Variants in ANKRD6 observed in about 807,000 individuals in gnomAD.
ANKRD6 encodes the protein ankyrin repeat domain 6.
A neutral mutation model predicts 82.3 loss-of-function variants in ANKRD6; 56 were observed. That is an observed-to-expected ratio of 0.68 (90% confidence interval 0.55 to 0.85). ANKRD6 has a LOEUF of 0.85. Among genes scored for constraint, ANKRD6 ranks in the 40% least tolerant of loss-of-function variants. The pLI is 0.00. For synonymous variants in ANKRD6, 347 were observed against 352.1 expected, an observed-to-expected ratio of 0.99 and a Z score of 0.16; for missense variants, 852 against 907.6, an observed-to-expected ratio of 0.94 and a Z score of 0.79.
At chr6:89,516,509 C>T (rs1781239048) in intron 1 of ANKRD6, among the ~76,000 whole-genome samples, 1 of 152,162 alleles carries the variant, frequency 6.6e-6, no homozygotes, top group African/African-American at 2.4e-5. Flanking sequence ...GACACAGCCT[C>T]TGTTGCCCAG....
chr6:89,612,399 T>C (rs1278212223), intron 6 of ANKRD6, 29 bp downstream of exon 6: 4 of 1,524,278 alleles, frequency 2.6e-6, no homozygotes, highest in Non-Finnish European at 3.6e-6. Context: ...ATTCTCACGT[T>C]CTCTCTTTCT....
intron 1 of ANKRD6, among the ~76,000 whole-genome samples, chr6:89,514,320 G>A (rs556629883): frequency 6.0e-4 from 92 of 152,268 alleles, no homozygotes; most frequent in African/African-American, 2.2e-3. Flanking sequence ...GGAGGTTGCA[G>A]TGAGCTGAGA....
chr6:89,602,954 A>C (rs549409014), intron 3 of ANKRD6, 75 bp from the exon 4 acceptor site: 1 of 1,252,114 alleles, frequency 8.0e-7, no homozygotes, highest in South Asian at 1.3e-5. Context: ...CCTTGTGTCC[A>C]AGTGTCAAGT....
rs1456890511 is a variant in ANKRD6, at chr6:89,632,139, A to G, written c.*1135A>G. ...TTTATATTCATCTCCTCAATATCCC[A>G]TGTATGCACAGAAACTTCAGTTCTA... On this transcript the variant is annotated 3_prime_UTR_variant, in exon 16 of 16. Transcript: ENST00000339746. 1 of 152,238 alleles carries G rather than the reference A, an allele frequency of 6.6e-6. No homozygotes were observed. The allele number at this position is 152,238 out of a possible 1,614,324, so 9.4% of individuals were successfully genotyped here.
intron 2 of ANKRD6, among the ~76,000 whole-genome samples, chr6:89,594,699 T>C (rs923526834): frequency 1.3e-5 from 2 of 152,164 alleles, no homozygotes; most frequent in South Asian, 2.1e-4. Context: ...ATATTACTTA[T>C]GTTTTTTAGT....
At chr6:89,507,952 C>T (rs1780070877) in intron 1 of ANKRD6, among the ~76,000 whole-genome samples, 1 of 152,132 alleles carries the variant, frequency 6.6e-6, no homozygotes, top group Non-Finnish European at 1.5e-5. Flanking sequence ...ATGCAGCCTA[C>T]ACTTTTCCCC....
intron 2 of ANKRD6, among the ~76,000 whole-genome samples, chr6:89,589,518 T>G (rs1794460838): frequency 6.6e-6 from 1 of 152,238 alleles, no homozygotes; most frequent in Non-Finnish European, 1.5e-5. Flanking sequence ...GGCTCCCTTG[T>G]CATCCTCACT....
intron 2 of ANKRD6, among the ~76,000 whole-genome samples, chr6:89,592,039 C>T (rs550987245): frequency 2.1e-4 from 32 of 152,282 alleles, no homozygotes; most frequent in Non-Finnish European, 3.8e-4. Context: ...GAATGGTGTT[C>T]TTGGTGAAGA....
rs1583239152 is a variant in ANKRD6, at chr6:89,552,593, A to T, written c.-143-14241A>T. Among the ~76,000 whole-genome samples, 4 of 152,288 alleles carry T rather than the reference A, an allele frequency of 2.6e-5. No homozygotes were observed. The Middle Eastern group carries it at 0.01, about 388-fold the overall frequency. ...GATGTTGGGAAGGGCTTGGAAATCT[A>T]ATTGGAGAATTTAGCCTCTTGTTGA... On this transcript the variant is annotated intron_variant, in intron 1 of 15. Coordinates refer to ENST00000339746, the MANE Select transcript of ANKRD6 (RefSeq NM_001242809.2).
At chr6:89,617,432 C>A (rs1329862281) in intron 8 of ANKRD6, among the ~76,000 whole-genome samples, 1 of 152,194 alleles carries the variant, frequency 6.6e-6, no homozygotes, top group Non-Finnish European at 1.5e-5. Context: ...CTCCTGAGAA[C>A]CTACATTATG....
chr6:89,500,756 A>G (rs530433628), intron 1 of ANKRD6, among the ~76,000 whole-genome samples: 119 of 152,308 alleles, frequency 7.8e-4, no homozygotes, highest in African/African-American at 2.7e-3. Flanking sequence ...CATTAGAGCT[A>G]TGAGGCTTTT....
chr6:89,474,220 C>A (rs1028847909), intron 1 of ANKRD6, among the ~76,000 whole-genome samples: 3 of 152,220 alleles, frequency 2.0e-5, no homozygotes, highest in Non-Finnish European at 2.9e-5. Flanking sequence ...CCTATAGATT[C>A]TTCCAGAAAA....
rs1801762998 is a variant in ANKRD6, at chr6:89,617,090, TC to T, written c.714+438del. 5.3e-6 allele frequency: 2 copies of T among 380,646 alleles called. 1 individual carries two copies. Among genetic ancestry groups the T allele is most frequent in the East Asian group, 1.5e-4 (2 of 13,728 alleles). 23.6% of individuals were successfully genotyped at this position (380,646 alleles called of 1,614,324 possible). ...TGACCTCACTGTTTCCCTTTCCCTC[TC>T]CCCCTCTCACTGTGTGTCCTGCAGA... On this transcript the variant is annotated intron_variant, in intron 8 of 15. Transcript: ENST00000339746.
intron 1 of ANKRD6, among the ~76,000 whole-genome samples, chr6:89,502,465 G>A (rs1779371594): frequency 1.3e-5 from 2 of 152,024 alleles, no homozygotes; most frequent in Admixed American, 1.3e-4. Flanking sequence ...GGGCAAGGTG[G>A]CGAAACCATG....
At chr6:89,446,147 G>A (rs1297856727) in intron 1 of ANKRD6, among the ~76,000 whole-genome samples, 1 of 151,798 alleles carries the variant, frequency 6.6e-6, no homozygotes, top group Non-Finnish European at 1.5e-5. Context: ...GAGGTCAGGA[G>A]TTTGAGACCA....
chr6:89,521,365 G>A (rs576969955), intron 1 of ANKRD6, among the ~76,000 whole-genome samples: 19 of 152,240 alleles, frequency 1.2e-4, no homozygotes, highest in Non-Finnish European at 2.6e-4. Flanking sequence ...AGATGAGTGA[G>A]AATTAAAGAG....
intron 1 of ANKRD6, among the ~76,000 whole-genome samples, chr6:89,463,161 CCTGG>C (rs1208987093): frequency 6.6e-6 from 1 of 152,116 alleles, no homozygotes; most frequent in Non-Finnish European, 1.5e-5. Flanking sequence ...AGCCATCATA[CCTGG>C]CTATAATTTC....
chr6:89,520,983 G>A (rs1487220031), intron 1 of ANKRD6, among the ~76,000 whole-genome samples: 1 of 152,056 alleles, frequency 6.6e-6, no homozygotes, highest in African/African-American at 2.4e-5. Flanking sequence ...GCAAGACCAT[G>A]TCTAAAAAAG....
intron 3 of ANKRD6, among the ~76,000 whole-genome samples, chr6:89,600,166 G>C (rs1433998039): frequency 6.6e-6 from 1 of 152,208 alleles, no homozygotes; most frequent in African/African-American, 2.4e-5. Context: ...CTTGCATTGA[G>C]CTAGAGTTTC....
Sources: allele counts gnomAD v4.1 joint callset (sites outside exome capture counted in the v4.1 genomes callset), GRCh38; gene constraint gnomAD v4.1.1; transcripts MANE v1.5; gene names NCBI Gene and HGNC (gene_info 2026-07-23, HGNC 2026-07-21).